The following SIRPD variants were observed in gnomAD, a reference collection of about 807,000 sequenced individuals.
SIRPD encodes signal-regulatory protein delta.
In SIRPD, 21 loss-of-function variants were observed where a neutral mutation model predicts 18.0. The ratio of observed to expected loss-of-function variants is 1.17; its 90% confidence interval spans 0.83 to 1.68. SIRPD has a LOEUF of 1.68. Ranked by LOEUF, SIRPD falls within the 40% of genes most tolerant of loss-of-function variation. The pLI is 0.00. For synonymous variants in SIRPD, 106 were observed against 92.9 expected, an observed-to-expected ratio of 1.14 and a Z score of -0.81; for missense variants, 295 against 238.4, an observed-to-expected ratio of 1.24 and a Z score of -1.56.
chr20:1,553,973 C>T (rs1478312641), intron 1 of SIRPD: 1 of 152,536 alleles, frequency 6.6e-6, no homozygotes, highest in Non-Finnish European at 1.5e-5. Context: ...GGTGCCTGGA[C>T]CAGAGAAAAA....
intron 1 of SIRPD, among the ~76,000 whole-genome samples, chr20:1,553,140 A>G (rs576016312): frequency 3.9e-5 from 6 of 152,176 alleles, no homozygotes; most frequent in South Asian, 2.1e-4. Flanking sequence ...CTCAACCCCT[A>G]TGGGAAGGCT....
At chr20:1,537,448 A>C in intron 2 of SIRPD, 138 bp from the exon 3 acceptor site, 2 of 1,056,028 alleles carry the variant, frequency 1.9e-6, no homozygotes, top group Non-Finnish European at 1.4e-6. Context: ...TAAGTTACTG[A>C]TATAAGGGTC....
At chr20:1,554,672 T>C (rs554331285) in intron 1 of SIRPD, among the ~76,000 whole-genome samples, 49 of 152,286 alleles carry the variant, frequency 3.2e-4, no homozygotes, top group African/African-American at 1.2e-3. Flanking sequence ...CTAAGGACAG[T>C]ATGTTGATAA....
intron 2 of SIRPD, among the ~76,000 whole-genome samples, chr20:1,537,897 G>A (rs1411291352): frequency 6.6e-6 from 1 of 152,090 alleles, no homozygotes; most frequent in Non-Finnish European, 1.5e-5. Flanking sequence ...GGGGGTGCAG[G>A]GCCTTAGTGT....
Position 1,547,820 on chromosome 20 carries a change from A to AT in SIRPD, c.421+3870dup, listed in dbSNP as rs201300485. Among the ~76,000 whole-genome samples, 314 of 152,192 alleles carry AT rather than the reference A, an allele frequency of 2.1e-3. No homozygotes were observed. The Middle Eastern group carries it at 0.027, about 13-fold the overall frequency. The stretch of plus-strand genomic sequence containing the variant: ...TTGTTTAGATCTTCTTTCATTTAAC[A>AT]TTTTTTTGTAGTTTTCAGAGTATAA... On this transcript the variant is annotated intron_variant, in intron 2 of 3. Coordinates refer to ENST00000381623, the MANE Select transcript of SIRPD (RefSeq NM_178460.3).
intron 2 of SIRPD, chr20:1,540,261 A>G (rs1448551360): frequency 2.2e-6 from 1 of 455,990 alleles, no homozygotes; most frequent in South Asian, 1.5e-5. Flanking sequence ...CTCCAGAAGG[A>G]GCAGTTCTGC....
intron 1 of SIRPD, among the ~76,000 whole-genome samples, chr20:1,552,437 G>T (rs2091023737): frequency 6.6e-6 from 1 of 152,152 alleles, no homozygotes; most frequent in Non-Finnish European, 1.5e-5. Context: ...TGAGTTTGGG[G>T]TTGGCCTTCC....
intron 2 of SIRPD, among the ~76,000 whole-genome samples, chr20:1,539,753 G>C (rs1037954871): frequency 6.6e-6 from 1 of 152,200 alleles, no homozygotes; most frequent in Non-Finnish European, 1.5e-5. Flanking sequence ...TTCTTGAGGA[G>C]AAGCAGCTGC....
chr20:1,551,659 CA>C (rs767697072), intron 2 of SIRPD, 31 bp downstream of exon 2: 16 of 1,522,716 alleles, frequency 1.1e-5, no homozygotes, highest in South Asian at 1.2e-5. Context: ...TATTATACAC[CA>C]GGGGGTATGG....
At position 1,551,691 on chromosome 20, in the gene SIRPD, C is replaced by T. The variant is rs182322596; in HGVS notation, c.421G>A (p.Glu141Lys). 2 of 1,609,482 alleles carry T rather than the reference C, an allele frequency of 1.2e-6. No homozygotes were observed. The highest frequency in any genetic ancestry group is 2.2e-5 in the East Asian group (1 of 44,838). ...TATGGGGTATAGGAGACATACTCACCAGTAACAAACACCTGAGTGCCCCGA... is the reference window on the plus strand; with the variant it reads ...TATGGGGTATAGGAGACATACTCACTAGTAACAAACACCTGAGTGCCCCGA... ...SGRGTQVFVT[E>K]QNPRPPKNRP... The change falls in exon 2 of 4, where the codon GAG (glutamate) becomes AAG (lysine). Residue 141 changes from glutamate to lysine, a missense_variant and splice_region_variant. By Grantham distance (56) the Glu-to-Lys change is moderately conservative (BLOSUM62 1). Transcript: ENST00000381623.
At chr20:1,534,609 T>C (rs1478491855) in intron 3 of SIRPD, among the ~76,000 whole-genome samples, 168 bp from the exon 4 acceptor site, 1 of 152,206 alleles carries the variant, frequency 6.6e-6, no homozygotes, top group Non-Finnish European at 1.5e-5. Context: ...CTGGTGGGAA[T>C]AACAATGGAC....
intron 2 of SIRPD, among the ~76,000 whole-genome samples, chr20:1,542,993 G>C (rs2090978938): frequency 6.6e-6 from 1 of 152,188 alleles, no homozygotes; most frequent in African/African-American, 2.4e-5. Flanking sequence ...CTTGATCATG[G>C]TGGATAAGAT....
intron 2 of SIRPD, among the ~76,000 whole-genome samples, chr20:1,544,778 G>A (rs771385821): frequency 5.3e-5 from 8 of 152,096 alleles, no homozygotes; most frequent in Non-Finnish European, 1.0e-4. Context: ...TCCATATTTA[G>A]TACTTCCTTC....
chr20:1,548,076 T>G (rs1286816708), intron 2 of SIRPD, among the ~76,000 whole-genome samples: 1 of 152,222 alleles, frequency 6.6e-6, no homozygotes, highest in African/African-American at 2.4e-5. Flanking sequence ...TTTTTATTAC[T>G]TAATTGTCCT....
chr20:1,557,079 C>T (rs577775662), intron 1 of SIRPD, among the ~76,000 whole-genome samples: 3 of 152,038 alleles, frequency 2.0e-5, no homozygotes, highest in African/African-American at 4.8e-5. Flanking sequence ...ATGGTGAAAC[C>T]CCATCTCTAC....
At chr20:1,543,328 A>G (rs1443848430) in intron 2 of SIRPD, among the ~76,000 whole-genome samples, 2 of 152,148 alleles carry the variant, frequency 1.3e-5, no homozygotes, top group Non-Finnish European at 2.9e-5. Context: ...TGGTCTATTC[A>G]GGGATTCAAC....
At chr20:1,535,192 G>C (rs1824539547) in intron 3 of SIRPD, among the ~76,000 whole-genome samples, 1 of 152,142 alleles carries the variant, frequency 6.6e-6, no homozygotes, top group African/African-American at 2.4e-5. Flanking sequence ...TTGAGTAAAA[G>C]AACAAATAAA....
At chr20:1,539,423 C>T (rs1449384715) in intron 2 of SIRPD, among the ~76,000 whole-genome samples, 2 of 152,206 alleles carry the variant, frequency 1.3e-5, no homozygotes, top group Admixed American at 1.3e-4. Context: ...TAATATCTCA[C>T]ATGGGCTTGA....
intron 2 of SIRPD, among the ~76,000 whole-genome samples, chr20:1,545,045 C>T (rs896544753): frequency 3.9e-5 from 6 of 152,270 alleles, no homozygotes; most frequent in Middle Eastern, 3.4e-3. Context: ...GCTGCCTTAA[C>T]ATTTTTCACT....
Sources: gnomAD v4.1 joint callset for allele counts (sites outside exome capture counted in the v4.1 genomes callset) on GRCh38, gnomAD v4.1.1 for gene constraint, MANE v1.5 for transcripts, NCBI Gene and HGNC (gene_info 2026-07-23, HGNC 2026-07-21) for gene names.